The following RBFOX1 variants were observed in gnomAD, a reference collection of about 807,000 sequenced individuals.
RBFOX1 encodes the protein RNA binding protein fox-1 homolog 1.
In RBFOX1, 8 loss-of-function variants were observed where a neutral mutation model predicts 57.7. The ratio of observed to expected loss-of-function variants is 0.14; its 90% CI spans 0.08 to 0.25. RBFOX1 has a LOEUF of 0.25. Ranked by LOEUF, RBFOX1 falls within the 10% of genes least tolerant of loss-of-function variation. The probability of loss-of-function intolerance (pLI) is 1.00; values close to 1 mark genes in which losing one functional copy is unlikely to be tolerated. For synonymous variants in RBFOX1, 326 were observed against 222.4 expected (o/e 1.47, Z -4.15); for missense variants, 611 against 548.5 (o/e 1.11, Z -1.14).
chr16:6,028,186 C>T (rs2095232932), intron 1 of RBFOX1, among the ~76,000 whole-genome samples: 1 of 152,120 alleles, frequency 6.6e-6, no homozygotes, highest in African/African-American at 2.4e-5. Context: ...AAATGTCATA[C>T]CTATTTCTTC....
intron 3 of RBFOX1, among the ~76,000 whole-genome samples, chr16:6,767,649 C>T (rs1016292206): frequency 1.3e-5 from 2 of 151,940 alleles, no homozygotes; most frequent in Non-Finnish European, 2.9e-5. Context: ...GGTGTGGTGG[C>T]TTATGCCTGT....
chr16:6,112,751 C>T (rs1164661268), intron 1 of RBFOX1, among the ~76,000 whole-genome samples: 1 of 151,974 alleles, frequency 6.6e-6, no homozygotes, highest in Non-Finnish European at 1.5e-5. Flanking sequence ...TTTCACATGC[C>T]CAGAGTTTGA....
intron 1 of RBFOX1, among the ~76,000 whole-genome samples, chr16:6,076,411 G>A (rs932306513): frequency 4.6e-5 from 7 of 152,012 alleles, no homozygotes; most frequent in Non-Finnish European, 2.9e-5. Flanking sequence ...CCTTCGGTAG[G>A]TCAGTAGGTT....
intron 3 of RBFOX1, among the ~76,000 whole-genome samples, chr16:5,790,574 C>G (rs1452435440): frequency 6.6e-6 from 1 of 151,602 alleles, no homozygotes; most frequent in Non-Finnish European, 1.5e-5. Flanking sequence ...GAATAGGGAC[C>G]TTGATGCTTA....
intron 1 of RBFOX1, among the ~76,000 whole-genome samples, chr16:5,246,606 AC>A (rs754341582): frequency 3.9e-5 from 6 of 152,120 alleles, no homozygotes; most frequent in South Asian, 4.2e-4. Flanking sequence ...GCATCTGCCC[AC>A]TTCCCCACCC....
chr16:5,522,986 T>G (rs1389417501), intron 2 of RBFOX1, among the ~76,000 whole-genome samples: 1 of 58,894 alleles, frequency 1.7e-5, no homozygotes, highest in Non-Finnish European at 2.8e-5. Context: ...GTGAATAAAG[T>G]GCTGCAAAAT....
rs79785610 is a variant in RBFOX1 at position 6,013,710 on chromosome 16, G to A, written c.351+146375G>A. Among the ~76,000 whole-genome samples, 43 of 152,198 alleles carry A rather than the reference G, an allele frequency of 2.8e-4. 1 individual carries two copies. Among genetic ancestry groups the A allele is most frequent in the Admixed American group, 7.2e-4 (11 of 15,286 alleles). On this transcript the variant is annotated intron_variant, in intron 4 of 19. Coordinates refer to the RBFOX1 transcript ENST00000641259. The stretch of plus-strand genomic sequence containing the variant: ...TTTAAAAAGGAAATAATTTTTTATG[G>A]CTGCATAGTATTCCACGGTGTATGT...
At chr16:6,768,644 A>G (rs2077767401) in intron 3 of RBFOX1, among the ~76,000 whole-genome samples, 1 of 151,582 alleles carries the variant, frequency 6.6e-6, no homozygotes, top group South Asian at 2.1e-4. Flanking sequence ...ACCTGTATAT[A>G]TTCATTAGTA....
At chr16:6,302,371 C>T (rs1372618284) in intron 1 of RBFOX1, among the ~76,000 whole-genome samples, 1 of 152,134 alleles carries the variant, frequency 6.6e-6, no homozygotes, top group East Asian at 1.9e-4. Flanking sequence ...GAGCATTGTA[C>T]CAAATGGCTT....
At chr16:5,681,072 A>AAT (rs150115056) in intron 3 of RBFOX1, among the ~76,000 whole-genome samples, 80 of 149,650 alleles carry the variant, frequency 5.3e-4, no homozygotes, top group Middle Eastern at 3.5e-3. Flanking sequence ...CCCATGAGGT[A>AAT]ATATATATAT....
At chr16:7,304,451 T>G in intron 4 of RBFOX1, 1 of 985,260 alleles carries the variant, frequency 1.0e-6, no homozygotes, top group Non-Finnish European at 1.2e-6. Context: ...TGTCCCCAGC[T>G]TTCGTGTGCC....
At chr16:5,684,665 T>G (rs1051766887) in intron 3 of RBFOX1, among the ~76,000 whole-genome samples, 21 of 152,144 alleles carry the variant, frequency 1.4e-4, no homozygotes, top group African/African-American at 5.1e-4. Context: ...TGATTCAGCC[T>G]TTTCATCAGC....
At chr16:5,885,459 C>G (rs923013274) in intron 4 of RBFOX1, among the ~76,000 whole-genome samples, 11 of 152,078 alleles carry the variant, frequency 7.2e-5, no homozygotes, top group Non-Finnish European at 1.3e-4. Flanking sequence ...AACATGTTAG[C>G]TAAAATGTGA....
chr16:6,406,318 C>A lies in RBFOX1; in HGVS notation c.-64+89261C>A, dbSNP rs2093279025. Among the ~76,000 whole-genome samples the A allele has an allele frequency of 4.8e-5, 7 of 146,208 alleles. No individual in the cohort carries two copies. The South Asian group carries it at 1.6e-3, about 33-fold the overall frequency. On this transcript the variant is annotated intron_variant, in intron 2 of 15. Transcript: ENST00000550418. The stretch of plus-strand genomic sequence containing the variant: ...CACCGCAGTGGTCCCTTCCTATAAT[C>A]AAACTGTAGTAGCTTCTGTCTCCAT...
chr16:7,361,965 G>C (rs1346130396), intron 4 of RBFOX1, among the ~76,000 whole-genome samples: 1 of 151,852 alleles, frequency 6.6e-6, no homozygotes, highest in African/African-American at 2.4e-5. Context: ...GTGTATGTTT[G>C]TGTGTATGCC....
At chr16:6,342,277 G>A (rs913202837) in intron 2 of RBFOX1, among the ~76,000 whole-genome samples, 16 of 152,102 alleles carry the variant, frequency 1.1e-4, no homozygotes, top group Admixed American at 5.2e-4. Flanking sequence ...TCTGGACTAG[G>A]ATGGCACCAC....
chr16:6,581,342 C>A (rs2097534757), intron 2 of RBFOX1, among the ~76,000 whole-genome samples: 1 of 152,158 alleles, frequency 6.6e-6, no homozygotes, highest in Admixed American at 6.5e-5. Context: ...CCCTTGCCTT[C>A]CTCTTTGTTG....
intron 3 of RBFOX1, among the ~76,000 whole-genome samples, chr16:5,620,409 G>C (rs567547028): frequency 6.6e-6 from 1 of 152,160 alleles, no homozygotes; most frequent in African/African-American, 2.4e-5. Flanking sequence ...TCTCAGTGCT[G>C]CGTTGGTTGG....
At chr16:6,641,670 G>A (rs1222262916) in intron 2 of RBFOX1, among the ~76,000 whole-genome samples, 1 of 140,286 alleles carries the variant, frequency 7.1e-6, no homozygotes, top group Non-Finnish European at 1.6e-5. Context: ...GGGAGGCGGA[G>A]GTTGCAGTGA....
Sources: gnomAD v4.1 joint callset for allele counts (sites outside exome capture counted in the v4.1 genomes callset) on GRCh38, gnomAD v4.1.1 for gene constraint, MANE v1.5 for transcripts, NCBI Gene and HGNC (gene_info 2026-07-23, HGNC 2026-07-21) for gene names.